Variants in TBC1D4 observed in about 807,000 individuals in gnomAD.
TBC1D4 encodes the protein TBC (Tre-2, BUB2, CDC16) domain-containing protein.
In TBC1D4, 121 loss-of-function variants were observed where a neutral mutation model predicts 142.5. The ratio of observed to expected loss-of-function variants is 0.85; its 90% CI spans 0.73 to 0.99. TBC1D4 has a LOEUF of 0.99. Among genes scored for constraint, TBC1D4 ranks in the 50% least tolerant of loss-of-function variants. The pLI, the probability that TBC1D4 is intolerant of heterozygous loss-of-function variation, is 0.00. For synonymous variants in TBC1D4, 630 were observed against 628.2 expected (o/e 1.00, Z -0.04); for missense variants, 1,475 against 1,606.6 (o/e 0.92, Z 1.40).
chr13:75,368,844 G>A (rs1021602521), intron 1 of TBC1D4, among the ~76,000 whole-genome samples: 2 of 152,038 alleles, frequency 1.3e-5, no homozygotes, highest in African/African-American at 4.8e-5. Flanking sequence ...AGGAATTCAG[G>A]ACCAGCCTGG....
chr13:75,445,415 C>T (rs539767734), intron 1 of TBC1D4, among the ~76,000 whole-genome samples: 1 of 152,126 alleles, frequency 6.6e-6, no homozygotes, highest in African/African-American at 2.4e-5. Context: ...TAGCTATAGA[C>T]CTTGGGCACA....
At chr13:75,454,183 G>C (rs888513270) in intron 1 of TBC1D4, among the ~76,000 whole-genome samples, 2 of 151,988 alleles carry the variant, frequency 1.3e-5, no homozygotes, top group African/African-American at 4.8e-5. Context: ...CCATGCCCAA[G>C]AGTTCAAGAC....
intron 1 of TBC1D4, among the ~76,000 whole-genome samples, chr13:75,369,497 T>TCTCACACACACACA (rs111622568): frequency 4.0e-5 from 6 of 150,652 alleles, no homozygotes; most frequent in African/African-American, 1.5e-4. Flanking sequence ...AGACCCTGTC[T>TCTCACACACACACA]CACACACACA....
At chr13:75,478,946 G>A (rs1047241290) in intron 1 of TBC1D4, among the ~76,000 whole-genome samples, 20 of 152,216 alleles carry the variant, frequency 1.3e-4, no homozygotes, top group Admixed American at 1.2e-3. Context: ...GCCCAGATAG[G>A]ATTCTTAAAT....
chr13:75,464,283 C>T (rs1274260665), intron 1 of TBC1D4, among the ~76,000 whole-genome samples: 2 of 152,238 alleles, frequency 1.3e-5, no homozygotes, highest in Non-Finnish European at 2.9e-5. Context: ...ATGACGCCCA[C>T]GCTGAAGGTT....
At chr13:75,301,052 C>G (rs1332059792) in intron 16 of TBC1D4, among the ~76,000 whole-genome samples, 1 of 152,132 alleles carries the variant, frequency 6.6e-6, no homozygotes, top group Non-Finnish European at 1.5e-5. Context: ...CCAAAAGGAA[C>G]AGAGGTAAAA....
intron 1 of TBC1D4, among the ~76,000 whole-genome samples, chr13:75,373,599 C>T (rs1466025905): frequency 6.6e-6 from 1 of 152,172 alleles, no homozygotes; most frequent in Non-Finnish European, 1.5e-5. Flanking sequence ...AACCTCCAAC[C>T]CTCACAGTAG....
chr13:75,455,832 G>A (rs149437949), intron 1 of TBC1D4, among the ~76,000 whole-genome samples: 1 of 152,102 alleles, frequency 6.6e-6, no homozygotes, highest in African/African-American at 2.4e-5. Flanking sequence ...TACCCCAAAA[G>A]CCTAGCAAAA....
At chr13:75,327,697 A>T in intron 9 of TBC1D4, 55 bp downstream of exon 9, 1 of 1,523,296 alleles carries the variant, frequency 6.6e-7, no homozygotes. Context: ...ATATTACCAT[A>T]TCGGTGCTGA....
rs778934726 is a variant in TBC1D4 at position 75,481,608 on chromosome 13, TAGGC to T, written c.156_159del (p.Pro53CysfsTer29). 2 of 1,608,482 alleles carry T rather than the reference TAGGC, an allele frequency of 1.2e-6. No individual in the cohort carries two copies. The highest frequency in any genetic ancestry group is 2.7e-5 in the African/African-American group (2 of 74,664). Reference sequence around the variant, plus strand: ...ATCTCGGCCATGAGCCAGGGCAGCATAGGCAGCGTGGTCCTGTGGTCCAGGCACG... The same window carrying T: ...ATCTCGGCCATGAGCCAGGGCAGCATAGCGTGGTCCTGTGGTCCAGGCACG... On this transcript the variant is annotated frameshift_variant, in exon 1 of 21. Coordinates refer to ENST00000377636, the MANE Select transcript of TBC1D4 (RefSeq NM_014832.5). LOFTEE classifies it high-confidence loss of function.
In TBC1D4 at chr13:75,453,991, T is replaced by G. The variant is rs77722681; in HGVS notation, c.498+27279A>C. ...AAAGGAATATTCTGTAAAAATACAA[T>G]TATTTCTAATAATCCATCCTGTAAT... On this transcript the variant is annotated intron_variant, in intron 1 of 20. Coordinates refer to ENST00000377636, the MANE Select transcript of TBC1D4 (RefSeq NM_014832.5). Among the ~76,000 whole-genome samples, 736 of 151,994 alleles carry G rather than the reference T, an allele frequency of 4.8e-3. 4 individuals carry two copies. Among genetic ancestry groups the G allele is most frequent in the African/African-American group, 0.017 (715 of 41,430 alleles).
chr13:75,398,377 C>T (rs1239572842), intron 1 of TBC1D4, among the ~76,000 whole-genome samples: 3 of 152,004 alleles, frequency 2.0e-5, no homozygotes, highest in African/African-American at 7.3e-5. Context: ...TGAAGGGCCT[C>T]GAGGAAATGG....
chr13:75,463,930 ATC>A (rs1486586941), intron 1 of TBC1D4, among the ~76,000 whole-genome samples: 1 of 152,168 alleles, frequency 6.6e-6, no homozygotes, highest in East Asian at 1.9e-4. Flanking sequence ...TCTGTGACCC[ATC>A]TCTTTCTTTT....
At chr13:75,287,577 G>A (rs544630433) in intron 20 of TBC1D4, among the ~76,000 whole-genome samples, 6 of 152,112 alleles carry the variant, frequency 3.9e-5, no homozygotes, top group South Asian at 2.1e-4. Flanking sequence ...ATAATTAATC[G>A]CCATTGACCT....
At chr13:75,331,604 T>C (rs1413306651) in intron 8 of TBC1D4, among the ~76,000 whole-genome samples, 1 of 152,178 alleles carries the variant, frequency 6.6e-6, no homozygotes, top group Non-Finnish European at 1.5e-5. Context: ...TTTTCACCTT[T>C]GAACAGACAG....
chr13:75,421,395 T>G (rs1886162632), intron 1 of TBC1D4, among the ~76,000 whole-genome samples: 1 of 152,206 alleles, frequency 6.6e-6, no homozygotes, highest in Non-Finnish European at 1.5e-5. Flanking sequence ...ACAAAATCTT[T>G]GAAGACAGGC....
At chr13:75,315,292 G>A (rs1429451846) in intron 12 of TBC1D4, among the ~76,000 whole-genome samples, 2 of 149,006 alleles carry the variant, frequency 1.3e-5, no homozygotes, top group African/African-American at 4.9e-5. Context: ...TGAGCAACAG[G>A]GCAAGACTCT....
At chr13:75,393,876 G>C (rs1037048774) in intron 1 of TBC1D4, among the ~76,000 whole-genome samples, 1 of 150,468 alleles carries the variant, frequency 6.6e-6, no homozygotes, top group Non-Finnish European at 1.5e-5. Context: ...GCAGTGAGCA[G>C]AGATCGTGCC....
chr13:75,312,744 G>A lies in TBC1D4; in HGVS notation c.2377C>T (p.Gln793Ter). The A allele has an allele frequency of 1.2e-6, 2 of 1,614,164 alleles. No homozygotes were observed. The highest frequency in any genetic ancestry group is 1.7e-6 in the Non-Finnish European group (2 of 1,180,018). Residue 793 changes from glutamine (Q) to a stop codon, truncating the protein, a stop_gained, in exon 13 of 21, where the codon CAG becomes TAG. Transcript: ENST00000377636. LOFTEE classifies it high-confidence loss of function. Reference protein sequence around the residue: ...PMNKSPSAMQQQDGLDRNELL... With the variant: ...PMNKSPSAMQ Reference sequence around the variant, plus strand: ...TAGGGAGTGCAACACAGACCTTGCTGTTGCATTGCTGAGGGAGATTTGTTC... The same window carrying A: ...TAGGGAGTGCAACACAGACCTTGCTATTGCATTGCTGAGGGAGATTTGTTC...
Sources: allele counts gnomAD v4.1 joint callset (sites outside exome capture counted in the v4.1 genomes callset), GRCh38; gene constraint gnomAD v4.1.1; transcripts MANE v1.5; gene names NCBI Gene and HGNC (gene_info 2026-07-23, HGNC 2026-07-21).